MACROD2: variants seen among roughly 807,000 people sequenced by gnomAD.
MACROD2 encodes the protein mono-ADP ribosylhydrolase 2.
MACROD2 carries 36 observed loss-of-function variants against 70.4 expected under a neutral mutation model. The ratio of observed to expected loss-of-function variants is 0.51; its 90% CI spans 0.39 to 0.68. The LOEUF (loss-of-function observed/expected upper bound fraction) is 0.68. Ranked by LOEUF, MACROD2 falls within the 30% of genes least tolerant of loss-of-function variation. MACROD2 has a pLI of 0.00. For missense variants in MACROD2, 496 were observed against 538.4 expected, an observed-to-expected ratio of 0.92 and a Z score of 0.78; for synonymous variants, 172 against 178.8, an observed-to-expected ratio of 0.96 and a Z score of 0.30.
At chr20:15,876,765 T>G (rs1197087541) in intron 9 of MACROD2, among the ~76,000 whole-genome samples, 1 of 152,130 alleles carries the variant, frequency 6.6e-6, no homozygotes, top group African/African-American at 2.4e-5. Context: ...CCACGTCGTC[T>G]CCAGCACCTG....
chr20:14,838,046 A>G (rs184862560), intron 5 of MACROD2, among the ~76,000 whole-genome samples: 1 of 152,246 alleles, frequency 6.6e-6, no homozygotes, highest in Admixed American at 6.5e-5. Context: ...ATAGTAGTTA[A>G]CATATGTAAA....
At chr20:14,798,554 C>T (rs2072538212) in intron 5 of MACROD2, among the ~76,000 whole-genome samples, 2 of 151,946 alleles carry the variant, frequency 1.3e-5, no homozygotes, top group South Asian at 4.1e-4. Context: ...GTTGATGGAA[C>T]CTTAATGGTT....
chr20:14,798,330 T>G (rs894039648), intron 5 of MACROD2, among the ~76,000 whole-genome samples: 2 of 152,242 alleles, frequency 1.3e-5, no homozygotes, highest in Admixed American at 6.5e-5. Flanking sequence ...TTTCCCTGTG[T>G]TTTTAAAGTT....
At chr20:14,824,360 A>T (rs2072879406) in intron 5 of MACROD2, among the ~76,000 whole-genome samples, 1 of 152,112 alleles carries the variant, frequency 6.6e-6, no homozygotes, top group African/African-American at 2.4e-5. Context: ...GTTGCTAAAA[A>T]ATCATCCCAA....
intron 9 of MACROD2, among the ~76,000 whole-genome samples, chr20:15,881,814 T>C (rs927605804): frequency 6.6e-6 from 1 of 152,154 alleles, no homozygotes; most frequent in Non-Finnish European, 1.5e-5. Context: ...CAAAGTTGGC[T>C]TGGGCTATAC....
At chr20:15,587,330 G>A (rs955293921) in intron 8 of MACROD2, among the ~76,000 whole-genome samples, 11 of 152,254 alleles carry the variant, frequency 7.2e-5, no homozygotes, top group South Asian at 2.1e-4. Context: ...CCCACAACAC[G>A]TGGGAATTCT....
intron 8 of MACROD2, among the ~76,000 whole-genome samples, chr20:15,814,317 T>C (rs1423236146): frequency 1.3e-5 from 2 of 152,198 alleles, no homozygotes; most frequent in Admixed American, 1.3e-4. Flanking sequence ...AGGCTGCCAG[T>C]GACAAGAAAT....
At chr20:14,292,422 A>C (rs1056997349) in intron 3 of MACROD2, among the ~76,000 whole-genome samples, 3 of 151,926 alleles carry the variant, frequency 2.0e-5, no homozygotes, top group Non-Finnish European at 4.4e-5. Flanking sequence ...ACTTTTCTAC[A>C]ACAAAGAATT....
intron 3 of MACROD2, among the ~76,000 whole-genome samples, chr20:14,453,746 G>A (rs2084269787): frequency 6.6e-6 from 1 of 151,942 alleles, no homozygotes; most frequent in African/African-American, 2.4e-5. Flanking sequence ...CCTAAAGAAT[G>A]CCACTCTTAA....
intron 8 of MACROD2, among the ~76,000 whole-genome samples, chr20:15,514,286 A>C (rs531464228): frequency 6.6e-6 from 1 of 152,188 alleles, no homozygotes; most frequent in East Asian, 1.9e-4. Context: ...CACCACTCTC[A>C]CCCACTGGCT....
chr20:15,627,646 G>T (rs151065775), intron 8 of MACROD2, among the ~76,000 whole-genome samples: 36 of 152,202 alleles, frequency 2.4e-4, no homozygotes, highest in African/African-American at 6.7e-4. Context: ...GTTGGTGGGG[G>T]CCAGGTGGAG....
intron 8 of MACROD2, among the ~76,000 whole-genome samples, chr20:15,574,000 T>C (rs2048410733): frequency 6.6e-6 from 1 of 152,178 alleles, no homozygotes; most frequent in Non-Finnish European, 1.5e-5. Context: ...TTCCAATAGT[T>C]ACACACCTTA....
At chr20:15,689,995 G>A (rs2050278994) in intron 8 of MACROD2, among the ~76,000 whole-genome samples, 1 of 152,144 alleles carries the variant, frequency 6.6e-6, no homozygotes, top group Admixed American at 6.5e-5. Context: ...ATCAGCTCGA[G>A]CTTAGCCTGC....
At chr20:14,396,433 T>C (rs1052455550) in intron 3 of MACROD2, among the ~76,000 whole-genome samples, 1 of 152,202 alleles carries the variant, frequency 6.6e-6, no homozygotes, top group African/African-American at 2.4e-5. Context: ...CTCCTTTTGA[T>C]GAATGAATCC....
intron 5 of MACROD2, among the ~76,000 whole-genome samples, chr20:14,704,624 C>G (rs1043132296): frequency 6.6e-6 from 1 of 152,130 alleles, no homozygotes. Context: ...CCTCTAGCTT[C>G]ATTCTATAGC....
chr20:14,906,749 C>T (rs193147926), intron 5 of MACROD2, among the ~76,000 whole-genome samples: 35 of 152,234 alleles, frequency 2.3e-4, no homozygotes, highest in African/African-American at 7.5e-4. Context: ...CCAAGTATAA[C>T]ATGTTATTTC....
intron 8 of MACROD2, among the ~76,000 whole-genome samples, chr20:15,643,972 A>G (rs1347281425): frequency 1.3e-5 from 2 of 152,190 alleles, no homozygotes; most frequent in Non-Finnish European, 2.9e-5. Flanking sequence ...ATAAAAAAGG[A>G]TAATGCCTCT....
At chr20:16,032,779 AAGGAAGGGCAGGAAGGG>A (rs1374105589) in intron 15 of MACROD2, among the ~76,000 whole-genome samples, 3 of 119,588 alleles carry the variant, frequency 2.5e-5, no homozygotes, top group Non-Finnish European at 5.5e-5. Flanking sequence ...GGAAGAGAGG[AAGGAAGGGCAGGAAGGG>A]AGGGAGGGAG....
chr20:14,729,515 C>T (rs1003559750), intron 5 of MACROD2, among the ~76,000 whole-genome samples: 2 of 152,182 alleles, frequency 1.3e-5, no homozygotes, highest in African/African-American at 4.8e-5. Context: ...TTGACCTGGG[C>T]AATTCTTAAC....
Sources: allele counts gnomAD v4.1 joint callset (sites outside exome capture counted in the v4.1 genomes callset), GRCh38; gene constraint gnomAD v4.1.1; transcripts MANE v1.5; gene names NCBI Gene and HGNC (gene_info 2026-07-23, HGNC 2026-07-21).